Variants in FCHO2 observed in about 807,000 individuals in gnomAD.
The protein encoded by FCHO2 is FCH and mu domain containing endocytic adaptor 2.
In FCHO2, 43 loss-of-function variants were observed where a neutral mutation model predicts 114.1. That is an observed-to-expected ratio of 0.38 (90% CI 0.30 to 0.49). FCHO2 has a LOEUF of 0.49. Among genes scored for constraint, FCHO2 ranks in the 20% least tolerant of loss-of-function variants. The pLI is 0.97. For synonymous variants in FCHO2, 293 were observed against 315.2 expected (o/e 0.93, Z 0.75); for missense variants, 807 against 950.4 (o/e 0.85, Z 1.98).
chr5:73,075,689 T>G (rs1490189017), intron 20 of FCHO2, among the ~76,000 whole-genome samples: 2 of 152,094 alleles, frequency 1.3e-5, no homozygotes, highest in Non-Finnish European at 2.9e-5. Flanking sequence ...AGAGAGAAAG[T>G]TAGAAAATTA....
At chr5:73,072,826 G>A (rs1035061828) in intron 19 of FCHO2, among the ~76,000 whole-genome samples, 4 of 151,932 alleles carry the variant, frequency 2.6e-5, no homozygotes, top group African/African-American at 7.3e-5. Flanking sequence ...GTTGCACAGC[G>A]TTATGAATAT....
chr5:73,054,785 A>G (rs958487425), intron 15 of FCHO2, among the ~76,000 whole-genome samples: 1 of 152,152 alleles, frequency 6.6e-6, no homozygotes, highest in African/African-American at 2.4e-5. Flanking sequence ...AGAAATCACC[A>G]AAGCCAAAAA....
chr5:72,968,690 G>A, intron 2 of FCHO2, 101 bp downstream of exon 2: 1 of 838,198 alleles, frequency 1.2e-6, no homozygotes, highest in Non-Finnish European at 1.8e-6. Context: ...TTGGAATAAA[G>A]TAATTGTTTT....
intron 20 of FCHO2, among the ~76,000 whole-genome samples, chr5:73,076,347 T>A (rs1742909652): frequency 6.6e-6 from 1 of 152,142 alleles, no homozygotes; most frequent in South Asian, 2.1e-4. Context: ...TATTTCAGGA[T>A]GTTTTGGTCT....
Position 73,051,407 on chromosome 5 carries a change from A to T in FCHO2, c.997+1A>T, listed in dbSNP as rs1228783867. Reference sequence around the variant, plus strand: ...ATTAAACCAGAAACAAATCAGAATGATATCCTTTCATCATCTAGTATTCTT... The same window carrying T: ...ATTAAACCAGAAACAAATCAGAATGTTATCCTTTCATCATCTAGTATTCTT... On this transcript the variant is annotated splice_donor_variant, in intron 12 of 25. Transcript: ENST00000430046. LOFTEE classifies it high-confidence loss of function. The T allele has an allele frequency of 1.3e-6, 2 of 1,512,098 alleles. No individual in the cohort carries two copies. The highest frequency in any genetic ancestry group is 4.0e-5 in the Admixed American group (2 of 49,822). 93.7% of individuals were successfully genotyped at this position (1,512,098 alleles called of 1,614,324 possible).
chr5:73,081,931 T>C lies in FCHO2; in HGVS notation c.2129T>C (p.Val710Ala), dbSNP rs760793242. 6.2e-7 allele frequency: 1 copy of C among 1,608,286 alleles called. No homozygotes were observed. The highest frequency in any genetic ancestry group is 1.1e-5 in the South Asian group (1 of 90,018). The stretch of plus-strand genomic sequence containing the variant: ...GTGCTTTCCAACATACAGGTGGTGG[T>C]ACCAGTGGATGGAGGAGTAACGAAC... ...PSVLSNIQVV[V>A]PVDGGVTNMQ... Residue 710 changes from valine (V) to alanine (A), a missense_variant, in exon 23 of 26, where the codon GTA (valine) becomes GCA (alanine). Coordinates refer to ENST00000430046, the MANE Select transcript of FCHO2 (RefSeq NM_138782.3).
intron 1 of FCHO2, among the ~76,000 whole-genome samples, chr5:72,958,755 A>G (rs1169476407): frequency 6.6e-6 from 1 of 152,216 alleles, no homozygotes; most frequent in Admixed American, 6.5e-5. Flanking sequence ...AATTTATAAA[A>G]TGTTTTAAAG....
intron 6 of FCHO2, among the ~76,000 whole-genome samples, chr5:73,010,500 G>A (rs1480656673): frequency 6.6e-6 from 1 of 152,120 alleles, no homozygotes; most frequent in Non-Finnish European, 1.5e-5. Flanking sequence ...AGAAGATAGT[G>A]TAGCCCTGTG....
intron 2 of FCHO2, among the ~76,000 whole-genome samples, chr5:72,975,461 G>A (rs1752810035): frequency 6.6e-6 from 1 of 152,028 alleles, no homozygotes; most frequent in South Asian, 2.1e-4. Flanking sequence ...CAAGTAGCTG[G>A]GATTATAGCC....
chr5:73,021,095 C>G, intron 8 of FCHO2: 1 of 806,830 alleles, frequency 1.2e-6, no homozygotes, highest in South Asian at 1.3e-5. Flanking sequence ...ATGATTCGGT[C>G]CCCCAGTGGG....
chr5:72,976,053 A>G (rs1046540117), intron 2 of FCHO2, among the ~76,000 whole-genome samples: 10 of 152,338 alleles, frequency 6.6e-5, no homozygotes, highest in African/African-American at 1.9e-4. Flanking sequence ...TAAGAAACCC[A>G]TCTTCCAAAG....
At position 73,058,491 on chromosome 5, in the gene FCHO2, T is replaced by C; in HGVS notation, c.1312T>C (p.Ser438Pro). ...CCTATTTGGACCATCTCTTGATTCA[T>C]CTTCTTCATCTTCACTAACTTCATC... ...DPLFGPSLDS[S>P]SSSSLTSSSS... Residue 438 changes from serine (S) to proline (P), a missense_variant, in exon 17 of 26, where the codon TCT becomes CCT. Coordinates refer to ENST00000430046, the MANE Select transcript of FCHO2 (RefSeq NM_138782.3). The C allele has an allele frequency of 5.2e-6, 8 of 1,533,278 alleles. No individual in the cohort carries two copies. The highest frequency in any genetic ancestry group is 7.1e-6 in the Non-Finnish European group (8 of 1,123,226). 95.0% of individuals were successfully genotyped at this position (1,533,278 alleles called of 1,614,324 possible).
chr5:73,016,827 G>T lies in FCHO2; in HGVS notation c.700-385G>T, dbSNP rs1020038571. Among the ~76,000 whole-genome samples, 3 of 152,086 alleles carry T rather than the reference G, an allele frequency of 2.0e-5. No homozygotes were observed. The East Asian group carries it at 5.8e-4, about 29-fold the overall frequency. Reference sequence around the variant, plus strand: ...TGGGAGGATCACTTGAGTCCAGGAGGTTGAGGCTGCAGTGAGCCGTGACAC... The same window carrying T: ...TGGGAGGATCACTTGAGTCCAGGAGTTTGAGGCTGCAGTGAGCCGTGACAC... On this transcript the variant is annotated intron_variant, in intron 7 of 25. Coordinates refer to ENST00000430046, the MANE Select transcript of FCHO2 (RefSeq NM_138782.3).
intron 8 of FCHO2, among the ~76,000 whole-genome samples, chr5:73,023,771 A>C (rs1045616976): frequency 6.6e-6 from 1 of 152,234 alleles, no homozygotes; most frequent in Non-Finnish European, 1.5e-5. Context: ...AACTTATCAA[A>C]TATATGCCAC....
intron 24 of FCHO2, among the ~76,000 whole-genome samples, chr5:73,083,408 T>G (rs1454803483): frequency 6.6e-6 from 1 of 152,246 alleles, no homozygotes; most frequent in African/African-American, 2.4e-5. Context: ...ATAAATATTA[T>G]GTAAATACTT....
intron 9 of FCHO2, among the ~76,000 whole-genome samples, chr5:73,035,606 G>C (rs775563616): frequency 1.3e-5 from 2 of 151,932 alleles, no homozygotes; most frequent in South Asian, 4.2e-4. Context: ...AGATCCAAGC[G>C]ATCCTTGCAC....
intron 8 of FCHO2, among the ~76,000 whole-genome samples, chr5:73,033,612 T>G (rs780432999): frequency 7.2e-5 from 11 of 152,144 alleles, no homozygotes; most frequent in Non-Finnish European, 1.0e-4. Context: ...TTTCTTCATA[T>G]AGCAAGTTAT....
Position 72,991,014 on chromosome 5 carries a change from A to G in FCHO2, c.495+150A>G, listed in dbSNP as rs138189431. 8.4e-6 allele frequency: 7 copies of G among 837,924 alleles called. No individual in the cohort carries two copies. The East Asian group carries it at 1.6e-4, about 20-fold the overall frequency. 51.9% of individuals were successfully genotyped at this position (837,924 alleles called of 1,614,324 possible). ...CCTAGTGATTACCCAAGTAAAACACAGGAGATTTGTAAAGTATGTTATCTG... is the reference window on the plus strand; with the variant it reads ...CCTAGTGATTACCCAAGTAAAACACGGGAGATTTGTAAAGTATGTTATCTG... On this transcript the variant is annotated intron_variant, in intron 5 of 25. Coordinates refer to ENST00000430046, the MANE Select transcript of FCHO2 (RefSeq NM_138782.3).
At chr5:73,011,912 G>GAA (rs1187558539) in intron 6 of FCHO2, among the ~76,000 whole-genome samples, 2 of 139,072 alleles carry the variant, frequency 1.4e-5, no homozygotes, top group African/African-American at 2.6e-5. Flanking sequence ...TCCATCTCAG[G>GAA]AAAAAAAAAA....
Sources: allele counts gnomAD v4.1 joint callset (sites outside exome capture counted in the v4.1 genomes callset), GRCh38; gene constraint gnomAD v4.1.1; transcripts MANE v1.5; gene names NCBI Gene and HGNC (gene_info 2026-07-23, HGNC 2026-07-21).